The following SPDYC variants were observed in gnomAD, a reference collection of about 807,000 sequenced individuals.
The protein encoded by SPDYC is speedy/RINGO cell cycle regulator family member C, also known as speedy protein C.
A neutral mutation model predicts 33.9 loss-of-function variants in SPDYC; 25 were observed. The ratio of observed to expected loss-of-function variants is 0.74; its 90% CI spans 0.54 to 1.03. The LOEUF (loss-of-function observed/expected upper bound fraction) is 1.03, where lower values mean the gene tolerates loss of function less well. SPDYC is among the 50% of genes least tolerant of loss of function. The pLI, the probability that SPDYC is intolerant of heterozygous loss-of-function variation, is 0.00. For missense variants in SPDYC, 349 were observed against 382.9 expected (o/e 0.91, Z 0.74); for synonymous variants, 133 against 140.2 (o/e 0.95, Z 0.36).
At chr11:65,172,941 C>T (rs747306699) in exon 6 of SPDYC, 20 of 1,613,996 alleles carry the variant, frequency 1.2e-5, no homozygotes, top group East Asian at 2.2e-5. Flanking sequence ...GGGTCAAAAA[C>T]GCCTGGGGTG....
At chr11:65,171,495 T>C (rs1187476525) in exon 2 of SPDYC, 5 of 1,569,438 alleles carry the variant, frequency 3.2e-6, no homozygotes, top group Non-Finnish European at 4.3e-6. Flanking sequence ...TCCTCAGCCT[T>C]CTGGGTGAGT....
Position 65,172,183 on chromosome 11 carries a change from C to G in SPDYC, c.259-63C>G, listed in dbSNP as rs532683936. On this transcript the variant is annotated intron_variant, in intron 3 of 6. Coordinates refer to ENST00000377185, the Ensembl canonical transcript of SPDYC. ...CAAAACCTCCCTGGGTGCAAATGAACCTGGGTGCAAGCCCCTCCTCCTCAG... is the reference window on the plus strand; with the variant it reads ...CAAAACCTCCCTGGGTGCAAATGAAGCTGGGTGCAAGCCCCTCCTCCTCAG... The G allele has an allele frequency of 3.1e-6, 5 of 1,594,738 alleles. No homozygotes were observed. In the East Asian group the frequency reaches 1.1e-4, roughly 36 times the overall value.
intron 3 of SPDYC, 88 bp downstream of exon 3, chr11:65,172,089 C>T: frequency 2.0e-6 from 3 of 1,505,394 alleles, no homozygotes; most frequent in Non-Finnish European, 2.8e-6. Context: ...GAGCCACTCA[C>T]CTTCCATCCT....
At chr11:65,171,800 AAGAGAG>A (rs1283151509) in intron 2 of SPDYC, 137 bp from the exon 3 acceptor site, 3 of 758,032 alleles carry the variant, frequency 4.0e-6, no homozygotes, top group African/African-American at 1.8e-5. Context: ...TATATTAAGA[AAGAGAG>A]AGAGAAAGAG....
In SPDYC at chr11:65,170,285, C is replaced by T. The variant is rs369804449; in HGVS notation, c.26+24C>T. On this transcript the variant is annotated intron_variant, in intron 1 of 6. Coordinates refer to ENST00000377185, the Ensembl canonical transcript of SPDYC. Reference sequence around the variant, plus strand: ...GGGTAAGGCTCGCTGCAGGAGGAGGCTGGGTTGCTTGCGGGCGCCTAGATG... The same window carrying T: ...GGGTAAGGCTCGCTGCAGGAGGAGGTTGGGTTGCTTGCGGGCGCCTAGATG... The T allele has an allele frequency of 4.8e-5, 75 of 1,570,592 alleles. No individual in the cohort carries two copies. The South Asian group carries it at 8.1e-4, about 17-fold the overall frequency.
At chr11:65,172,639 G>A in intron 5 of SPDYC, 34 bp downstream of exon 5, 1 of 1,558,572 alleles carries the variant, frequency 6.4e-7, no homozygotes, top group Non-Finnish European at 8.7e-7. Flanking sequence ...GTGTGGGGAA[G>A]GCTGGGGTTC....
At chr11:65,172,727 G>T (rs781661812) in exon 6 of SPDYC, 1 of 1,610,406 alleles carries the variant, frequency 6.2e-7, no homozygotes, top group African/African-American at 1.3e-5. Context: ...ACTCGGGACC[G>T]GCGCCCCCAC....
intron 2 of SPDYC, 61 bp downstream of exon 2, chr11:65,171,560 G>C: frequency 6.9e-7 from 1 of 1,442,124 alleles, no homozygotes. Flanking sequence ...CAGATGTGAA[G>C]TGTGGGGTCT....
intron 6 of SPDYC, 76 bp from the exon 7 acceptor site, chr11:65,173,107 C>G: frequency 6.2e-7 from 1 of 1,601,338 alleles, no homozygotes; most frequent in Non-Finnish European, 8.5e-7. Flanking sequence ...GGCCATGGGC[C>G]TGGGGTCGAC....
In SPDYC at chr11:65,172,200, C is replaced by T. The variant is rs191950430; in HGVS notation, c.259-46C>T. The T allele has an allele frequency of 4.4e-6, 7 of 1,608,354 alleles. No homozygotes were observed. The East Asian group carries it at 1.3e-4, about 31-fold the overall frequency. ...CAAATGAACCTGGGTGCAAGCCCCT[C>T]CTCCTCAGAGAATAACTAACCCCCC... is the stretch of plus-strand genomic sequence containing the variant. On this transcript the variant is annotated intron_variant, in intron 3 of 6. Coordinates refer to ENST00000377185, the Ensembl canonical transcript of SPDYC.
intron 2 of SPDYC, among the ~76,000 whole-genome samples, 155 bp from the exon 3 acceptor site, chr11:65,171,788 T>C (rs901178764): frequency 6.6e-6 from 1 of 152,066 alleles, no homozygotes; most frequent in Non-Finnish European, 1.5e-5. Context: ...TCCATTTCTA[T>C]TTATATTAAG....
Position 65,172,351 on chromosome 11 carries a change from A to C in SPDYC, c.344+20A>C. On this transcript the variant is annotated intron_variant, in intron 4 of 6. Coordinates refer to ENST00000377185, the Ensembl canonical transcript of SPDYC. ...GGCCCTGTGAGTGGTGGGGGCAGGC[A>C]GTGGAGGCATTTGCTGGAGGTGTCA... 1 of 1,614,032 alleles carries C rather than the reference A, an allele frequency of 6.2e-7. No homozygotes were observed.
At position 65,172,790 on chromosome 11, in the gene SPDYC, G is replaced by A. The variant is rs1228439541; in HGVS notation, c.623G>A (p.Gly208Asp). Residue 208 changes from glycine to aspartate, a missense_variant, in exon 6 of 7, where the codon GGC (glycine) becomes GAC (aspartate). Gly to Asp is a moderately conservative substitution (Grantham distance 94). Transcript: ENST00000377185. ...CAGGTCCCTGTTCGCCTTCCCCGGGGCCCTGGCCTCTCGCCGCCCCACTGT... is the reference window on the plus strand; with the variant it reads ...CAGGTCCCTGTTCGCCTTCCCCGGGACCCTGGCCTCTCGCCGCCCCACTGT... The A allele has an allele frequency of 1.9e-6, 3 of 1,613,992 alleles. No individual in the cohort carries two copies. The South Asian group carries it at 3.3e-5, about 18-fold the overall frequency.
At chr11:65,172,270 T>C in exon 4 of SPDYC, 1 of 1,614,212 alleles carries the variant, frequency 6.2e-7, no homozygotes, top group Non-Finnish European at 8.5e-7. Context: ...GGTGCTGGTC[T>C]ACTTCCAGCG....
At chr11:65,171,947 C>G in exon 3 of SPDYC, 1 of 1,614,078 alleles carries the variant, frequency 6.2e-7, no homozygotes, top group Non-Finnish European at 8.5e-7. Context: ...CCTCAGAGGA[C>G]AGTTTTGTCC....
In SPDYC at chr11:65,171,942, G is replaced by A. The variant is rs1429132887; in HGVS notation, c.200-1G>A. The A allele has an allele frequency of 2.1e-5, 34 of 1,614,060 alleles. No individual in the cohort carries two copies. The highest frequency in any genetic ancestry group is 2.9e-5 in the Non-Finnish European group (34 of 1,179,948). On this transcript the variant is annotated splice_acceptor_variant, in intron 2 of 6. Transcript: ENST00000377185. LOFTEE classifies it high-confidence loss of function. ...TCCTGTCATGTCTTCTCTACCCTCA[G>A]AGGACAGTTTTGTCCAGGAATTCCT...
Position 65,171,257 on chromosome 11 carries a change from T to C in SPDYC, c.27-70T>C, listed in dbSNP as rs73480916. On this transcript the variant is annotated intron_variant, in intron 1 of 6. Transcript: ENST00000377185. ...CCCACCCCTCCACCGTCCTGGCCCCTGTCACCACCCTCTTGATTTGTGAGC... is the reference window on the plus strand; with the variant it reads ...CCCACCCCTCCACCGTCCTGGCCCCCGTCACCACCCTCTTGATTTGTGAGC... 7,356 of 1,494,108 alleles carry C rather than the reference T, an allele frequency of 4.9e-3. 335 individuals carry two copies. The African/African-American group carries it at 0.092, about 19-fold the overall frequency. The allele number at this position is 1,494,108 out of a possible 1,614,324, so 92.6% of individuals were successfully genotyped here.
rs1948439622 is a variant in SPDYC, at chr11:65,171,931, C to T, written c.200-12C>T. 6.2e-7 allele frequency: 1 copy of T among 1,613,868 alleles called. No homozygotes were observed. ...GGTAACCTGCGTCCTGTCATGTCTT[C>T]TCTACCCTCAGAGGACAGTTTTGTC... On this transcript the variant is annotated splice_polypyrimidine_tract_variant and intron_variant, in intron 2 of 6. Coordinates refer to ENST00000377185, the Ensembl canonical transcript of SPDYC.
At chr11:65,171,880 A>G (rs1948438717) in intron 2 of SPDYC, 63 bp from the exon 3 acceptor site, 1 of 1,482,032 alleles carries the variant, frequency 6.7e-7, no homozygotes, top group Non-Finnish European at 9.4e-7. Flanking sequence ...GGAGCTTCTG[A>G]TGCCACTCTT....
Sources: gnomAD v4.1 joint callset for allele counts (sites outside exome capture counted in the v4.1 genomes callset) on GRCh38, gnomAD v4.1.1 for gene constraint, MANE v1.5 for transcripts, NCBI Gene and HGNC (gene_info 2026-07-23, HGNC 2026-07-21) for gene names.